The following KCNQ2 variants were observed in gnomAD, a reference collection of about 807,000 sequenced individuals.
KCNQ2 encodes potassium voltage-gated channel subfamily Q member 2.
Under a neutral mutation model 84.8 loss-of-function variants are expected in KCNQ2, and 14 were observed. The observed-to-expected ratio is 0.17, with a 90% CI of 0.11 to 0.26. The LOEUF (loss-of-function observed/expected upper bound fraction) is 0.26, where lower values mean the gene tolerates loss of function less well. Among genes scored for constraint, KCNQ2 ranks in the 10% least tolerant of loss-of-function variants. The pLI, the probability that KCNQ2 is intolerant of heterozygous loss-of-function variation, is 1.00. For missense variants in KCNQ2, 788 were observed against 1,254.0 expected (o/e 0.63, Z 5.61); for synonymous variants, 599 against 554.1 (o/e 1.08, Z -1.14).
intron 7 of KCNQ2, among the ~76,000 whole-genome samples, chr20:63,436,969 G>A (rs1000943415): frequency 6.6e-6 from 1 of 151,920 alleles, no homozygotes; most frequent in Admixed American, 6.6e-5. Context: ...AGTAGAGATG[G>A]GGTTTCACCA....
At position 63,408,506 on chromosome 20, in the gene KCNQ2, C is replaced by A. The variant is rs779158152; in HGVS notation, c.1794G>T (p.Ala598=). The A allele has an allele frequency of 2.5e-6, 4 of 1,609,632 alleles. No individual in the cohort carries two copies. The South Asian group carries it at 3.3e-5, about 13-fold the overall frequency. ...RVDQIVGRGP[A]ITDKDRTKGP... ...CCTTGGTGCGGTCCTTGTCCGTGAT[C>A]GCTGGGCCCCGCCCCACGATCTGGT... Residue 598 remains alanine, a synonymous_variant, in exon 16 of 17, where the codon GCG becomes GCT. Coordinates refer to ENST00000359125, the MANE Select transcript of KCNQ2 (RefSeq NM_172107.4). The surrounding 1 kb of genome is among the most constrained non-coding windows in gnomAD (Gnocchi z 5.0).
At position 63,466,247 on chromosome 20, in the gene KCNQ2, G is replaced by A. The variant is rs888216143; in HGVS notation, c.296+5921C>T. 1.6e-4 allele frequency among the ~76,000 whole-genome samples: 24 copies of A among 151,922 alleles called. 1 individual carries two copies. Among genetic ancestry groups the A allele is most frequent in the Admixed American group, 1.0e-3 (16 of 15,244 alleles). ...CACGACAAACAGGCAAGCTTCCCAC[G>A]CTCGAGCCCGGGCCCCGCGCTTCAA... On this transcript the variant is annotated intron_variant, in intron 1 of 16. Coordinates refer to ENST00000359125, the MANE Select transcript of KCNQ2 (RefSeq NM_172107.4).
chr20:63,463,334 G>A (rs2082003262), intron 1 of KCNQ2, among the ~76,000 whole-genome samples: 1 of 152,162 alleles, frequency 6.6e-6, no homozygotes, highest in African/African-American at 2.4e-5. Context: ...GGGGACTCCA[G>A]GCTGCCTCCT....
intron 1 of KCNQ2, among the ~76,000 whole-genome samples, chr20:63,462,993 G>C (rs560700702): frequency 6.6e-6 from 1 of 152,276 alleles, no homozygotes; most frequent in South Asian, 2.1e-4. Flanking sequence ...CAGCGCAGAG[G>C]GGGCAAATCA....
intron 1 of KCNQ2, among the ~76,000 whole-genome samples, chr20:63,461,426 A>AG (rs2081943634): frequency 6.6e-6 from 1 of 152,138 alleles, no homozygotes; most frequent in African/African-American, 2.4e-5. Context: ...CCCAAACACC[A>AG]GCCCCTTCCC....
At chr20:63,424,928 C>T (rs1335082316) in intron 10 of KCNQ2, among the ~76,000 whole-genome samples, 1 of 152,210 alleles carries the variant, frequency 6.6e-6, no homozygotes, top group African/African-American at 2.4e-5. Flanking sequence ...CAAGCAGGCT[C>T]TTTGGTGCAC....
intron 12 of KCNQ2, among the ~76,000 whole-genome samples, chr20:63,416,925 C>G (rs775367746): frequency 2.6e-5 from 4 of 151,532 alleles, no homozygotes; most frequent in Non-Finnish European, 3.0e-5. Context: ...GACCATCTGT[C>G]CCCACTCAGG....
chr20:63,453,248 G>A (rs1447051384), intron 1 of KCNQ2, among the ~76,000 whole-genome samples: 3 of 152,240 alleles, frequency 2.0e-5, no homozygotes, highest in Non-Finnish European at 4.4e-5. Flanking sequence ...AGGCACCGTC[G>A]CCAGGGGGCA....
At chr20:63,411,010 A>G (rs546389174) in intron 15 of KCNQ2, 59 of 456,254 alleles carry the variant, frequency 1.3e-4, no homozygotes, top group Non-Finnish European at 2.3e-4. Context: ...GTTAATCACT[A>G]AAGAACTGGC....
In KCNQ2 at chr20:63,412,104, C is replaced by T. The variant is rs1017656832; in HGVS notation, c.1763+1346G>A. 14 of 515,364 alleles carry T rather than the reference C, an allele frequency of 2.7e-5. No individual in the cohort carries two copies. The East Asian group carries it at 3.3e-4, about 12-fold the overall frequency. 31.9% of individuals were successfully genotyped at this position (515,364 alleles called of 1,614,324 possible). ...TTTTGACTCGGGAGCGGGTGGCGGGCGGCCCCACTGCGGAGACCCGGGTGC... is the reference window on the plus strand; with the variant it reads ...TTTTGACTCGGGAGCGGGTGGCGGGTGGCCCCACTGCGGAGACCCGGGTGC... On this transcript the variant is annotated intron_variant, in intron 15 of 16. Transcript: ENST00000359125.
chr20:63,419,762 GTGT>G, intron 11 of KCNQ2, 90 bp from the exon 12 acceptor site: 1 of 1,203,942 alleles, frequency 8.3e-7, no homozygotes, highest in Non-Finnish European at 1.2e-6. Context: ...ACCACCCAGG[GTGT>G]TGTGTGCAGT....
rs906241079 is a variant in KCNQ2, at chr20:63,401,290, C to T, written c.*5354G>A. ...CGGCGATGTCACCTCCTCCCAGGGT[C>T]GGCCGTCAGCCCCCACCCTTACAAG... On this transcript the variant is annotated 3_prime_UTR_variant, in exon 17 of 17. Coordinates refer to ENST00000359125, the MANE Select transcript of KCNQ2 (RefSeq NM_172107.4). The T allele has an allele frequency of 5.4e-5, 9 of 166,554 alleles. No individual in the cohort carries two copies. The highest frequency in any genetic ancestry group is 1.4e-4 in the African/African-American group (6 of 41,992). The allele number at this position is 166,554 out of a possible 1,614,324, so 10.3% of individuals were successfully genotyped here.
chr20:63,436,546 AT>A (rs2081014315), intron 7 of KCNQ2, among the ~76,000 whole-genome samples: 1 of 151,724 alleles, frequency 6.6e-6, no homozygotes, highest in Admixed American at 6.6e-5. Context: ...AAAAAAAAAA[AT>A]CGCCACAGCC....
chr20:63,431,233 T>A lies in KCNQ2; in HGVS notation c.1148+107A>T, dbSNP rs2080777147. 3 of 1,285,458 alleles carry A rather than the reference T, an allele frequency of 2.3e-6. No homozygotes were observed. In the East Asian group the frequency reaches 6.9e-5, roughly 30 times the overall value. 79.6% of individuals were successfully genotyped at this position (1,285,458 alleles called of 1,614,324 possible). ...CGGTGGGCAGGGACAGTGGTCACTCTGCAGACCGGGTGGGCCACGGGGCTC... is the reference window on the plus strand; with the variant it reads ...CGGTGGGCAGGGACAGTGGTCACTCAGCAGACCGGGTGGGCCACGGGGCTC... On this transcript the variant is annotated intron_variant, in intron 9 of 16. Transcript: ENST00000359125.
intron 1 of KCNQ2, among the ~76,000 whole-genome samples, chr20:63,461,209 C>G (rs1230550990): frequency 6.6e-6 from 1 of 152,318 alleles, no homozygotes; most frequent in Admixed American, 6.5e-5. Flanking sequence ...CTCACCCTGA[C>G]AGACGCAGCC....
rs1163422762 is a variant in KCNQ2, at chr20:63,438,860, A to T, written c.928-140T>A. On this transcript the variant is annotated intron_variant, in intron 6 of 16. Coordinates refer to ENST00000359125, the MANE Select transcript of KCNQ2 (RefSeq NM_172107.4). This position sits in a 1 kb window ranked among gnomAD's most constrained non-coding sequence, Gnocchi z 5.1. Reference sequence around the variant, plus strand: ...ACTCCAGAGACTCACACACCCCCCAATTCATCAGGGTCAGACCACGCCCCA... The same window carrying T: ...ACTCCAGAGACTCACACACCCCCCATTTCATCAGGGTCAGACCACGCCCCA... 2 of 610,446 alleles carry T rather than the reference A, an allele frequency of 3.3e-6. No homozygotes were observed. Among genetic ancestry groups the T allele is most frequent in the Non-Finnish European group, 5.9e-6 (2 of 339,420 alleles). The allele number at this position is 610,446 out of a possible 1,614,324, so 37.8% of individuals were successfully genotyped here. A position where few individuals can be genotyped will look rare whatever the true frequency, so the allele number is the denominator to read the frequency against.
At chr20:63,444,586 G>C in intron 4 of KCNQ2, 73 bp downstream of exon 4, 1 of 1,325,286 alleles carries the variant, frequency 7.5e-7, no homozygotes. Context: ...CCCAGGCAGG[G>C]GTGGGGCCCG....
chr20:63,423,893 T>C, intron 11 of KCNQ2: 1 of 505,344 alleles, frequency 2.0e-6, no homozygotes, highest in South Asian at 2.8e-5. Context: ...GGGCCAGACT[T>C]GTGGGCGGGG....
intron 3 of KCNQ2, among the ~76,000 whole-genome samples, 197 bp downstream of exon 3, chr20:63,445,041 C>T (rs1758543883): frequency 6.6e-6 from 1 of 152,194 alleles, no homozygotes; most frequent in African/African-American, 2.4e-5. Context: ...CCCAGCGCCA[C>T]ATTCCTCTTC....
Sources: allele counts gnomAD v4.1 joint callset (sites outside exome capture counted in the v4.1 genomes callset), GRCh38; gene constraint gnomAD v4.1.1; non-coding constraint Gnocchi (gnomAD v3.1); transcripts MANE v1.5; gene names NCBI Gene and HGNC (gene_info 2026-07-23, HGNC 2026-07-21).